Variants in PRELID2 observed in about 807,000 individuals in gnomAD.
PRELID2 encodes the protein PRELI domain-containing protein 2.
Under a neutral mutation model 28.4 loss-of-function variants are expected in PRELID2, and 25 were observed. That is an observed-to-expected ratio of 0.88 (90% CI 0.64 to 1.23). PRELID2 has a LOEUF of 1.23. Among genes scored for constraint, PRELID2 ranks in the 50% most tolerant of loss-of-function variants. The pLI, the probability that PRELID2 is intolerant of heterozygous loss-of-function variation, is 0.00. For missense variants in PRELID2, 201 were observed against 214.4 expected (o/e 0.94, Z 0.39); for synonymous variants, 76 against 71.6 (o/e 1.06, Z -0.31).
At chr5:145,293,965 CT>C in the PRELID2 span, among the ~76,000 whole-genome samples, 1 of 152,162 alleles carries the variant, frequency 6.6e-6, no homozygotes, top group South Asian at 2.1e-4. Context: ...CTTGACTATG[CT>C]GAAGTACTAT....
the PRELID2 span, among the ~76,000 whole-genome samples, chr5:145,242,066 C>T: frequency 6.6e-6 from 1 of 151,808 alleles, no homozygotes; most frequent in Admixed American, 6.6e-5. Flanking sequence ...AAGAAAAATG[C>T]TCAATTTGAA....
the PRELID2 span, among the ~76,000 whole-genome samples, chr5:145,431,778 A>C: frequency 6.6e-6 from 1 of 152,348 alleles, no homozygotes; most frequent in Admixed American, 6.5e-5. Context: ...AGATAAGACA[A>C]CTAAATGCAA....
chr5:145,583,824 TG>T (rs1446313179), intron 1 of PRELID2, among the ~76,000 whole-genome samples: 3 of 152,238 alleles, frequency 2.0e-5, no homozygotes, highest in African/African-American at 7.2e-5. Flanking sequence ...TCCATACTCA[TG>T]GGTAAAAAGA....
At chr5:145,586,713 T>G (rs536000750) in intron 1 of PRELID2, among the ~76,000 whole-genome samples, 7 of 152,220 alleles carry the variant, frequency 4.6e-5, no homozygotes, top group Non-Finnish European at 8.8e-5. Context: ...ATGAGGTAGG[T>G]CAGACTCGCT....
At chr5:145,474,513 G>T (rs1230404405) in intron 1 of PRELID2, among the ~76,000 whole-genome samples, 1 of 152,132 alleles carries the variant, frequency 6.6e-6, no homozygotes, top group African/African-American at 2.4e-5. Context: ...GAAGAGTTCT[G>T]TGTTAGCACT....
the PRELID2 span, among the ~76,000 whole-genome samples, chr5:145,264,405 C>T: frequency 6.6e-6 from 1 of 152,080 alleles, no homozygotes; most frequent in African/African-American, 2.4e-5. Context: ...ATGACCATCA[C>T]AATAGATGAA....
At chr5:145,418,254 G>A in the PRELID2 span, among the ~76,000 whole-genome samples, 5 of 152,148 alleles carry the variant, frequency 3.3e-5, no homozygotes, top group South Asian at 8.3e-4. Context: ...TAAACAAATG[G>A]AAGAACCAAC....
chr5:145,360,254 G>A, the PRELID2 span, among the ~76,000 whole-genome samples: 2 of 152,146 alleles, frequency 1.3e-5, no homozygotes, highest in African/African-American at 4.8e-5. Context: ...CCACCACGTG[G>A]GCATCCCCCA....
At chr5:145,319,158 G>T in the PRELID2 span, among the ~76,000 whole-genome samples, 1 of 152,132 alleles carries the variant, frequency 6.6e-6, no homozygotes, top group Admixed American at 6.5e-5. Context: ...TGTGAAAAAA[G>T]AAATGCCTGT....
intron 1 of PRELID2, among the ~76,000 whole-genome samples, chr5:145,490,345 G>C (rs1752258121): frequency 6.6e-6 from 1 of 152,122 alleles, no homozygotes; most frequent in South Asian, 2.1e-4. Context: ...AAACACACCT[G>C]TGTACACACA....
At position 145,615,618 on chromosome 5, in the gene PRELID2, G is replaced by A. The variant is rs560241254; in HGVS notation, n.71-142303C>T. On this transcript the variant is annotated intron_variant and non_coding_transcript_variant, in intron 1 of 2. Coordinates refer to the PRELID2 transcript ENST00000510259. Reference sequence around the variant, plus strand: ...TGGGATTACAGGCGTGAGCCACCGCGCCCAGCCGTGAGTCTCTTATAGGTG... The same window carrying A: ...TGGGATTACAGGCGTGAGCCACCGCACCCAGCCGTGAGTCTCTTATAGGTG... Among the ~76,000 whole-genome samples, 27 of 116,480 alleles carry A rather than the reference G, an allele frequency of 2.3e-4. 1 individual carries two copies. Among genetic ancestry groups the A allele is most frequent in the Non-Finnish European group, 1.3e-4 (8 of 59,836 alleles). The allele number at this position is 116,480 out of a possible 152,430, so 76.4% of individuals were successfully genotyped here.
intron 1 of PRELID2, among the ~76,000 whole-genome samples, chr5:145,626,092 G>C (rs1753840846): frequency 6.6e-6 from 1 of 151,978 alleles, no homozygotes; most frequent in African/African-American, 2.4e-5. Flanking sequence ...AGAAAACCTA[G>C]AAAAAAACTC....
At chr5:145,328,376 G>A in the PRELID2 span, among the ~76,000 whole-genome samples, 5 of 152,132 alleles carry the variant, frequency 3.3e-5, no homozygotes, top group South Asian at 6.2e-4. Context: ...TTCTAAAACG[G>A]TTGAACTAAT....
intron 3 of PRELID2, among the ~76,000 whole-genome samples, chr5:145,818,320 A>G (rs77071252): frequency 0.015 from 2,290 of 152,306 alleles, 30 homozygotes; most frequent in South Asian, 0.027. Flanking sequence ...CACTAAGCAA[A>G]TTATCAGCCT....
chr5:145,632,416 A>T (rs960909241), intron 1 of PRELID2, among the ~76,000 whole-genome samples: 9 of 152,242 alleles, frequency 5.9e-5, no homozygotes, highest in Admixed American at 5.9e-4. Context: ...AACTATTTTT[A>T]AATGGTGAAT....
intron 1 of PRELID2, among the ~76,000 whole-genome samples, chr5:145,711,018 G>T (rs1755679362): frequency 6.6e-6 from 1 of 152,268 alleles, no homozygotes; most frequent in South Asian, 2.1e-4. Flanking sequence ...GCTATACTCT[G>T]CAATTTCACT....
the PRELID2 span, among the ~76,000 whole-genome samples, chr5:145,251,703 T>C: frequency 1.3e-5 from 2 of 152,138 alleles, no homozygotes; most frequent in South Asian, 4.1e-4. Flanking sequence ...CTCTAGGTCC[T>C]AGTTTTGGTT....
At position 145,643,883 on chromosome 5, in the gene PRELID2, A is replaced by T. The variant is rs529692936; in HGVS notation, n.70+121048T>A. Among the ~76,000 whole-genome samples the T allele has an allele frequency of 2.6e-5, 4 of 152,220 alleles. No individual in the cohort carries two copies. The East Asian group carries it at 7.7e-4, about 29-fold the overall frequency. The stretch of plus-strand genomic sequence containing the variant: ...GAAGCCGATTTGATCATGGTGGATA[A>T]GCTTTTTGATGTACTGCTGGATTTT... On this transcript the variant is annotated intron_variant and non_coding_transcript_variant, in intron 1 of 2. Transcript: ENST00000510259.
At chr5:145,270,156 A>T in the PRELID2 span, among the ~76,000 whole-genome samples, 16 of 151,958 alleles carry the variant, frequency 1.1e-4, no homozygotes, top group Non-Finnish European at 1.9e-4. Flanking sequence ...AAAATTATAC[A>T]GCCACCACTT....
Sources: gnomAD v4.1 joint callset for allele counts (sites outside exome capture counted in the v4.1 genomes callset) on GRCh38, gnomAD v4.1.1 for gene constraint, MANE v1.5 for transcripts, NCBI Gene and HGNC (gene_info 2026-07-23, HGNC 2026-07-21) for gene names.